MDM1: variants seen among roughly 807,000 people sequenced by gnomAD.
MDM1 encodes Mdm1 nuclear protein.
A neutral mutation model predicts 89.1 loss-of-function variants in MDM1; 61 were observed. The ratio of observed to expected loss-of-function variants is 0.68; its 90% CI spans 0.56 to 0.85. The LOEUF (loss-of-function observed/expected upper bound fraction) is 0.85. Among genes scored for constraint, MDM1 ranks in the 40% least tolerant of loss-of-function variants. The pLI is 0.00. For synonymous variants in MDM1, 290 were observed against 294.1 expected, an observed-to-expected ratio of 0.99 and a Z score of 0.14; for missense variants, 820 against 846.5, an observed-to-expected ratio of 0.97 and a Z score of 0.39.
At chr12:68,314,042 C>T (rs773059877) in intron 10 of MDM1, among the ~76,000 whole-genome samples, 9 of 147,464 alleles carry the variant, frequency 6.1e-5, no homozygotes, top group Middle Eastern at 3.2e-3. Context: ...GAGGCTGAGG[C>T]GGGAGAATGG....
chr12:68,323,141 T>C lies in MDM1; in HGVS notation c.733A>G (p.Lys245Glu). ...AAATCATTTCTTAATTTTGGTTCTT[T>C]CACTGGAGATAAACCCTTGAAATTT... is the stretch of plus-strand genomic sequence containing the variant. ...KRNFKGLSPVKEPKLRNDLRE... is the reference protein window; with the variant it reads ...KRNFKGLSPVEEPKLRNDLRE... The change falls in exon 5 of 15, where the codon AAA becomes GAA. Residue 245 changes from lysine (K) to glutamate (E), a missense_variant. Physicochemically the swap from Lys to Glu is moderately conservative, Grantham distance 56. Coordinates refer to ENST00000682720, the MANE Select transcript of MDM1 (RefSeq NM_001354969.2). 1 of 1,611,076 alleles carries C rather than the reference T, an allele frequency of 6.2e-7. No homozygotes were observed. The highest frequency in any genetic ancestry group is 1.1e-5 in the South Asian group (1 of 90,272).
intron 10 of MDM1, 136 bp downstream of exon 10, chr12:68,314,812 T>A: frequency 1.3e-6 from 1 of 757,286 alleles, no homozygotes; most frequent in Non-Finnish European, 2.2e-6. Flanking sequence ...CAGCAGTGCC[T>A]CCTTTGTGAC....
chr12:68,302,519 T>A, intron 13 of MDM1, 101 bp downstream of exon 13: 2 of 1,091,268 alleles, frequency 1.8e-6, no homozygotes. Context: ...CCAAAAATAC[T>A]AAATAACTGA....
chr12:68,321,691 C>T, intron 5 of MDM1, 63 bp from the exon 6 acceptor site: 1 of 1,044,352 alleles, frequency 9.6e-7, no homozygotes, highest in East Asian at 2.4e-5. Context: ...TGAAAACATG[C>T]ATGTTATAAA....
In MDM1 at chr12:68,295,374, G is replaced by GA. The variant is rs1361812772; in HGVS notation, c.2063-9dup. 6 of 1,568,424 alleles carry GA rather than the reference G, an allele frequency of 3.8e-6. No individual in the cohort carries two copies. Among genetic ancestry groups the GA allele is most frequent in the East Asian group, 2.3e-5 (1 of 44,348 alleles). On this transcript the variant is annotated splice_polypyrimidine_tract_variant and intron_variant, in intron 14 of 14. Coordinates refer to ENST00000682720, the MANE Select transcript of MDM1 (RefSeq NM_001354969.2). ...CAGACAATCTGTCCTCATCTGCAAT[G>GA]AAAAAATCCCGAGATTATATTCATT...
rs370047151 is a variant in MDM1 at position 68,332,211 on chromosome 12, G to C, written c.18+17C>G. 121 of 1,556,104 alleles carry C rather than the reference G, an allele frequency of 7.8e-5. No individual in the cohort carries two copies. The highest frequency in any genetic ancestry group is 9.7e-5 in the Non-Finnish European group (111 of 1,150,240). On this transcript the variant is annotated intron_variant, in intron 1 of 14. Transcript: ENST00000682720. ...GCTCCCCCCAGCCACATTCCGGCCC[G>C]GGGACCCCAGCCTCACCTTGAAGCG...
intron 3 of MDM1, 188 bp downstream of exon 3, chr12:68,326,469 G>C (rs778339600): frequency 4.7e-6 from 7 of 1,484,190 alleles, no homozygotes; most frequent in African/African-American, 2.8e-5. Context: ...ACAAAATAGC[G>C]AGTAGTCAGA....
intron 7 of MDM1, among the ~76,000 whole-genome samples, chr12:68,317,033 A>C (rs867134414): frequency 6.6e-5 from 10 of 150,972 alleles, no homozygotes; most frequent in Middle Eastern, 3.4e-3. Context: ...GCAAAATCTC[A>C]ACTTTTTTTT....
intron 12 of MDM1, 115 bp from the exon 13 acceptor site, chr12:68,302,987 A>ACCAAC: frequency 1.2e-6 from 1 of 867,516 alleles, no homozygotes. Flanking sequence ...GAAATATGAG[A>ACCAAC]GAATTTATGC....
At chr12:68,305,918 C>CA (rs201926650) in intron 12 of MDM1, among the ~76,000 whole-genome samples, 3,989 of 37,962 alleles carry the variant, frequency 0.11, 96 homozygotes, top group African/African-American at 0.17. Context: ...CATAAGGAAG[C>CA]AAAAAAAAAA....
intron 1 of MDM1, chr12:68,331,863 T>C (rs1593002456): frequency 2.0e-6 from 1 of 505,832 alleles, no homozygotes; most frequent in Admixed American, 2.8e-5. Flanking sequence ...ACTAAAGTTT[T>C]AAAGGTAATG....
chr12:68,321,124 A>C, intron 7 of MDM1: 1 of 393,324 alleles, frequency 2.5e-6, no homozygotes, highest in Non-Finnish European at 4.5e-6. Flanking sequence ...AAAAGCATTA[A>C]ACTTAAAAGA....
chr12:68,321,019 T>TG (rs2121070590), intron 7 of MDM1: 1 of 193,016 alleles, frequency 5.2e-6, no homozygotes, highest in East Asian at 1.3e-4. Context: ...AATCTTCAGT[T>TG]GAGACAGTGG....
chr12:68,319,443 C>T (rs1301853925), intron 7 of MDM1, among the ~76,000 whole-genome samples: 1 of 152,174 alleles, frequency 6.6e-6, no homozygotes, highest in Non-Finnish European at 1.5e-5. Context: ...AACAAAGTCA[C>T]TTATGTCTGA....
intron 12 of MDM1, among the ~76,000 whole-genome samples, chr12:68,311,524 T>C (rs1483770414): frequency 6.6e-6 from 1 of 152,230 alleles, no homozygotes; most frequent in Non-Finnish European, 1.5e-5. Flanking sequence ...CCATGAATTC[T>C]GCTTTCCCTC....
chr12:68,326,735 T>A lies in MDM1; in HGVS notation c.420A>T (p.Val140=), dbSNP rs1239522246. The A allele has an allele frequency of 6.2e-7, 1 of 1,614,142 alleles. No homozygotes were observed. The highest frequency in any genetic ancestry group is 2.2e-5 in the East Asian group (1 of 44,890). ...TTTCATTAACTGGTGTATGGTTTGTTACACCCTCATTATTTTCCACATCTG... is the reference window on the plus strand; with the variant it reads ...TTTCATTAACTGGTGTATGGTTTGTAACACCCTCATTATTTTCCACATCTG... ...GASDVENNEG[V]TNHTPVNENV... is the part of the protein sequence containing the mutation. Residue 140 remains valine (V), a synonymous_variant, in exon 3 of 15, where the codon GTA becomes GTT. Coordinates refer to ENST00000682720, the MANE Select transcript of MDM1 (RefSeq NM_001354969.2).
rs983483366 is a variant in MDM1, at chr12:68,332,356, A to G, written c.-111T>C. The stretch of plus-strand genomic sequence containing the variant: ...GCAAAGCCTCGGCCCGGCGTCCCCG[A>G]CTACGCGCCGGCGCACTCCGCGCTT... On this transcript the variant is annotated 5_prime_UTR_variant, in exon 1 of 15. Transcript: ENST00000682720. The G allele has an allele frequency of 7.5e-7, 1 of 1,340,850 alleles. No homozygotes were observed. The highest frequency in any genetic ancestry group is 2.6e-5 in the East Asian group (1 of 38,844). 83.1% of individuals were successfully genotyped at this position (1,340,850 alleles called of 1,614,324 possible).
intron 12 of MDM1, among the ~76,000 whole-genome samples, chr12:68,306,739 G>A (rs1226091173): frequency 6.6e-6 from 1 of 152,116 alleles, no homozygotes; most frequent in Non-Finnish European, 1.5e-5. Context: ...AACAGATGTT[G>A]GCAAGGATGC....
rs552767441 is a variant in MDM1 at position 68,321,223 on chromosome 12, T to C, written c.1005+124A>G. 2.7e-5 allele frequency: 16 copies of C among 590,634 alleles called. No individual in the cohort carries two copies. In the African/African-American group the frequency reaches 2.8e-4, roughly 10 times the overall value. The allele number at this position is 590,634 out of a possible 1,614,324, so 36.6% of individuals were successfully genotyped here. ...ATACATAAGTTCCTGATACTATTAG[T>C]GCTATTATTATATCATACTTCTTTA... On this transcript the variant is annotated intron_variant, in intron 7 of 14. Coordinates refer to ENST00000682720, the MANE Select transcript of MDM1 (RefSeq NM_001354969.2).
Sources: allele counts gnomAD v4.1 joint callset (sites outside exome capture counted in the v4.1 genomes callset), GRCh38; gene constraint gnomAD v4.1.1; transcripts MANE v1.5; gene names NCBI Gene and HGNC (gene_info 2026-07-23, HGNC 2026-07-21).